BRINP3: variants seen among roughly 807,000 people sequenced by gnomAD.
BRINP3 encodes the protein BMP/retinoic acid-inducible neural-specific protein 3.
A neutral mutation model predicts 71.0 loss-of-function variants in BRINP3; 19 were observed. The observed-to-expected ratio is 0.27, with a 90% CI of 0.19 to 0.39. The LOEUF (loss-of-function observed/expected upper bound fraction) is 0.39, where lower values mean the gene tolerates loss of function less well. Among genes scored for constraint, BRINP3 ranks in the 10% least tolerant of loss-of-function variants. The pLI, the probability that BRINP3 is intolerant of heterozygous loss-of-function variation, is 1.00. For missense variants in BRINP3, 959 were observed against 940.8 expected (o/e 1.02, Z -0.25); for synonymous variants, 380 against 337.7 (o/e 1.13, Z -1.37).
At chr1:190,344,567 A>C (rs1454570897) in intron 2 of BRINP3, among the ~76,000 whole-genome samples, 3 of 151,888 alleles carry the variant, frequency 2.0e-5, no homozygotes, top group Non-Finnish European at 4.4e-5. Context: ...TGTCATCATC[A>C]TGACTTTCTT....
At chr1:190,449,537 C>A (rs1237979144) in intron 2 of BRINP3, among the ~76,000 whole-genome samples, 1 of 151,708 alleles carries the variant, frequency 6.6e-6, no homozygotes, top group East Asian at 1.9e-4. Flanking sequence ...TAATGCAAGT[C>A]CAAAGCTACT....
At chr1:190,231,281 C>T (rs1239477208) in intron 5 of BRINP3, among the ~76,000 whole-genome samples, 2 of 151,574 alleles carry the variant, frequency 1.3e-5, no homozygotes, top group African/African-American at 4.8e-5. Flanking sequence ...AATTAATAAA[C>T]AGGAACAAAA....
rs185993665 is a variant in BRINP3, at chr1:190,339,435, C to T, written c.237-57685G>A. ...GCTGCACTAGAATCACATCTCAGTT[C>T]ACTGAGTTAATGACCTAGAAGAAAA... On this transcript the variant is annotated intron_variant, in intron 2 of 7. Coordinates refer to ENST00000367462, the MANE Select transcript of BRINP3 (RefSeq NM_199051.3). Among the ~76,000 whole-genome samples, 484 of 152,076 alleles carry T rather than the reference C, an allele frequency of 3.2e-3. 1 individual carries two copies. The highest frequency in any genetic ancestry group is 0.011 in the African/African-American group (465 of 41,536).
chr1:190,397,991 T>C (rs1277569078), intron 2 of BRINP3, among the ~76,000 whole-genome samples: 1 of 152,002 alleles, frequency 6.6e-6, no homozygotes, highest in South Asian at 2.1e-4. Context: ...GTGAAGACTT[T>C]ATTTTTGGAC....
At chr1:190,293,136 CTT>C (rs768325308) in intron 2 of BRINP3, among the ~76,000 whole-genome samples, 2 of 151,790 alleles carry the variant, frequency 1.3e-5, no homozygotes, top group Non-Finnish European at 2.9e-5. Context: ...TATGTGAAGT[CTT>C]TTTGTTGTCT....
intron 6 of BRINP3, among the ~76,000 whole-genome samples, chr1:190,221,616 T>C (rs546770411): frequency 6.6e-6 from 1 of 152,190 alleles, no homozygotes; most frequent in South Asian, 2.1e-4. Flanking sequence ...TTATAACGTG[T>C]ATAGTGGCTG....
intron 6 of BRINP3, among the ~76,000 whole-genome samples, chr1:190,217,260 C>G (rs1656493773): frequency 6.6e-6 from 1 of 151,816 alleles, no homozygotes. Flanking sequence ...CTTACAAGAG[C>G]CTGTGAGTGG....
chr1:190,276,595 T>A lies in BRINP3; in HGVS notation c.427+4965A>T, dbSNP rs377224187. ...CACACACAATATTTTGTAAAACTTT[T>A]TAGATAAGTGAACTACATTGGAGGC... On this transcript the variant is annotated intron_variant, in intron 3 of 7. Coordinates refer to ENST00000367462, the MANE Select transcript of BRINP3 (RefSeq NM_199051.3). 1.1e-4 allele frequency among the ~76,000 whole-genome samples: 17 copies of A among 150,978 alleles called. No individual in the cohort carries two copies. In the South Asian group the frequency reaches 3.6e-3, roughly 32 times the overall value.
chr1:190,195,946 T>C (rs1159212279), intron 6 of BRINP3, among the ~76,000 whole-genome samples: 1 of 152,126 alleles, frequency 6.6e-6, no homozygotes, highest in African/African-American at 2.4e-5. Flanking sequence ...ACCTCATATT[T>C]GGCACACCTT....
intron 4 of BRINP3, among the ~76,000 whole-genome samples, chr1:190,264,205 CT>C (rs80017414): frequency 0.16 from 24,260 of 151,870 alleles, 2,662 homozygotes; most frequent in African/African-American, 0.28. Flanking sequence ...CTCTCATTTT[CT>C]TTTTTTTCTT....
intron 2 of BRINP3, among the ~76,000 whole-genome samples, chr1:190,370,861 C>T: frequency 6.6e-6 from 1 of 152,074 alleles, no homozygotes; most frequent in East Asian, 1.9e-4. Context: ...GGTAACATAT[C>T]ATTGTAGTTT....
At chr1:190,323,783 C>A (rs1038901097) in intron 2 of BRINP3, among the ~76,000 whole-genome samples, 1 of 151,616 alleles carries the variant, frequency 6.6e-6, no homozygotes. Context: ...TCAGTTACAC[C>A]AAAGATATTG....
At chr1:190,297,770 C>A (rs1396893319) in intron 2 of BRINP3, among the ~76,000 whole-genome samples, 1 of 141,156 alleles carries the variant, frequency 7.1e-6, no homozygotes, top group Non-Finnish European at 1.6e-5. Flanking sequence ...TAGCTGAATT[C>A]TGTTTTCTCG....
chr1:190,452,209 T>G (rs1393350107), intron 2 of BRINP3, among the ~76,000 whole-genome samples: 1 of 152,142 alleles, frequency 6.6e-6, no homozygotes, highest in East Asian at 1.9e-4. Context: ...AAGACAAAAC[T>G]TGCTTTACTA....
chr1:190,123,019 A>G (rs1195175153), intron 7 of BRINP3, among the ~76,000 whole-genome samples: 1 of 152,084 alleles, frequency 6.6e-6, no homozygotes, highest in Non-Finnish European at 1.5e-5. Flanking sequence ...GAACTTTCTA[A>G]CACATTATTC....
chr1:190,242,799 G>GA (rs1158237367), intron 4 of BRINP3, among the ~76,000 whole-genome samples: 1 of 151,820 alleles, frequency 6.6e-6, no homozygotes, highest in African/African-American at 2.4e-5. Context: ...TTAACCATAG[G>GA]AAAAAAATGT....
intron 6 of BRINP3, among the ~76,000 whole-genome samples, chr1:190,213,012 G>A (rs573772058): frequency 1.3e-5 from 2 of 152,132 alleles, no homozygotes; most frequent in Admixed American, 6.6e-5. Context: ...TACAGTTGTG[G>A]CATGGATTCA....
At chr1:190,339,712 C>A (rs1364390619) in intron 2 of BRINP3, among the ~76,000 whole-genome samples, 1 of 151,870 alleles carries the variant, frequency 6.6e-6, no homozygotes, top group African/African-American at 2.4e-5. Flanking sequence ...ACAAGCCAAA[C>A]CCTTTTTCTA....
chr1:190,252,087 A>G (rs1165073893), intron 4 of BRINP3, among the ~76,000 whole-genome samples: 1 of 151,978 alleles, frequency 6.6e-6, no homozygotes, highest in Non-Finnish European at 1.5e-5. Flanking sequence ...TTGTAAAGAT[A>G]TTTTTTTCCT....
Sources: gnomAD v4.1 joint callset for allele counts (sites outside exome capture counted in the v4.1 genomes callset) on GRCh38, gnomAD v4.1.1 for gene constraint, MANE v1.5 for transcripts, NCBI Gene and HGNC (gene_info 2026-07-23, HGNC 2026-07-21) for gene names.